The following DISC1 variants were observed in gnomAD, a reference collection of about 807,000 sequenced individuals.
DISC1 encodes the protein disrupted in schizophrenia 1 protein.
In DISC1, 57 loss-of-function variants were observed where a neutral mutation model predicts 84.5. That is an observed-to-expected ratio of 0.67 (90% CI 0.55 to 0.84). The LOEUF (loss-of-function observed/expected upper bound fraction) is 0.84, where lower values mean the gene tolerates loss of function less well. Ranked by LOEUF, DISC1 falls within the 40% of genes least tolerant of loss-of-function variation. The pLI is 0.00. For synonymous variants in DISC1, 411 were observed against 415.2 expected (o/e 0.99, Z 0.12); for missense variants, 1,000 against 1,057.8 (o/e 0.95, Z 0.76).
intron 9 of DISC1, among the ~76,000 whole-genome samples, chr1:231,928,621 C>T (rs1162271071): frequency 6.6e-6 from 1 of 152,100 alleles, no homozygotes. Context: ...TTTGCTCTTG[C>T]TTCTCTAGTC....
intron 1 of DISC1, among the ~76,000 whole-genome samples, chr1:231,636,210 C>T (rs1038240960): frequency 6.6e-6 from 1 of 152,230 alleles, no homozygotes; most frequent in Non-Finnish European, 1.5e-5. Flanking sequence ...ATTTGTAGAA[C>T]ACTGAGTTAA....
chr1:231,644,577 C>T (rs200498452), intron 1 of DISC1, among the ~76,000 whole-genome samples: 1 of 152,128 alleles, frequency 6.6e-6, no homozygotes, highest in Admixed American at 6.6e-5. Flanking sequence ...CAGGTAACCC[C>T]CTTATTGGGG....
intron 9 of DISC1, among the ~76,000 whole-genome samples, chr1:231,835,137 C>G (rs1220038915): frequency 6.6e-6 from 1 of 152,082 alleles, no homozygotes; most frequent in Non-Finnish European, 1.5e-5. Flanking sequence ...TTCTGAGGAC[C>G]AGAGGTCATA....
intron 9 of DISC1, among the ~76,000 whole-genome samples, chr1:231,837,496 A>C (rs1558632553): frequency 6.6e-6 from 1 of 152,194 alleles, no homozygotes; most frequent in Non-Finnish European, 1.5e-5. Context: ...ATATGAAGTC[A>C]CCCTCTTCCA....
intron 1 of DISC1, among the ~76,000 whole-genome samples, chr1:231,657,983 GAATTTTAA>G (rs1330294839): frequency 3.9e-5 from 6 of 152,270 alleles, no homozygotes; most frequent in Middle Eastern, 3.4e-3. Flanking sequence ...GGTTCCACAT[GAATTTTAA>G]AATAGTTTTT....
Position 231,626,926 on chromosome 1 carries a change from A to G in DISC1, c.59A>G (p.His20Arg), listed in dbSNP as rs1228474361. 8 of 1,503,170 alleles carry G rather than the reference A, an allele frequency of 5.3e-6. No homozygotes were observed. The Admixed American group carries it at 1.1e-4, about 20-fold the overall frequency. 93.1% of individuals were successfully genotyped at this position (1,503,170 alleles called of 1,614,324 possible). A position where few individuals can be genotyped will look rare whatever the true frequency, so the allele number is the denominator to read the frequency against. ...PAAAGGGGVS[H>R]RAGSRDCLPP... ...GCCGCCGGCGGCGGCGGCGTGAGCC[A>G]CCGCGCAGGTAGGGGAGCTGCCACA... Residue 20 changes from histidine (H) to arginine (R), a missense_variant, in exon 1 of 13, where the codon CAC becomes CGC. His to Arg is a conservative substitution (Grantham distance 29). Around this residue, in one of 3 missense-constraint regions of DISC1, gnomAD observed 292 missense variants for 280.2 expected, o/e 1.04. Coordinates refer to ENST00000439617, the MANE Select transcript of DISC1 (RefSeq NM_018662.3).
chr1:231,922,358 A>G (rs1484804590), intron 9 of DISC1, among the ~76,000 whole-genome samples: 1 of 152,212 alleles, frequency 6.6e-6, no homozygotes, highest in Non-Finnish European at 1.5e-5. Context: ...ACTGTGTTCC[A>G]GGTACTAGTC....
chr1:231,744,285 C>G (rs1035156063), intron 3 of DISC1, among the ~76,000 whole-genome samples: 1 of 152,124 alleles, frequency 6.6e-6, no homozygotes, highest in African/African-American at 2.4e-5. Flanking sequence ...CACCCACTGC[C>G]CCAGGGTGAA....
intron 4 of DISC1, among the ~76,000 whole-genome samples, chr1:231,761,125 A>T (rs916372590): frequency 5.9e-5 from 9 of 152,126 alleles, no homozygotes; most frequent in African/African-American, 2.2e-4. Flanking sequence ...TTTTTCCCGT[A>T]CTGGGGTGGT....
intron 3 of DISC1, among the ~76,000 whole-genome samples, chr1:231,736,688 A>G (rs899294161): frequency 2.0e-5 from 3 of 152,234 alleles, no homozygotes; most frequent in Admixed American, 1.3e-4. Context: ...TCATCCACAC[A>G]TCTTGTGTAT....
intron 9 of DISC1, among the ~76,000 whole-genome samples, chr1:231,883,472 G>A (rs2086443319): frequency 1.3e-5 from 2 of 152,192 alleles, no homozygotes; most frequent in Non-Finnish European, 2.9e-5. Flanking sequence ...GGGTGGCCAT[G>A]TGGGGCAGGT....
intron 1 of DISC1, among the ~76,000 whole-genome samples, chr1:231,673,376 T>C (rs1043008890): frequency 2.5e-4 from 38 of 152,024 alleles, no homozygotes; most frequent in African/African-American, 8.2e-4. Context: ...GTGCAGTGGC[T>C]ATTCATAGGT....
rs1156618634 is a variant in DISC1 at position 231,954,501 on chromosome 1, C to T, written c.1982-4327C>T. Among the ~76,000 whole-genome samples, 1 of 152,118 alleles carries T rather than the reference C, an allele frequency of 6.6e-6. No individual in the cohort carries two copies. The highest frequency in any genetic ancestry group is 1.5e-5 in the Non-Finnish European group (1 of 68,048). On this transcript the variant is annotated intron_variant, in intron 9 of 12. Coordinates refer to ENST00000439617, the MANE Select transcript of DISC1 (RefSeq NM_018662.3). The surrounding 1 kb of genome is among the most constrained non-coding windows in gnomAD (Gnocchi z 4.8). ...ATCAGATTCCCTTAATAAACAGAAA[C>T]AGTGAATGTGTTCCTGCTTCTTCCT...
chr1:231,990,529 T>C (rs886960458), intron 10 of DISC1, among the ~76,000 whole-genome samples: 6 of 152,152 alleles, frequency 3.9e-5, no homozygotes, highest in Admixed American at 2.0e-4. Flanking sequence ...TGTTGTCAAA[T>C]TCCTCACTGC....
intron 9 of DISC1, among the ~76,000 whole-genome samples, chr1:231,882,262 C>T (rs2086340749): frequency 6.6e-6 from 1 of 152,150 alleles, no homozygotes; most frequent in Admixed American, 6.5e-5. Flanking sequence ...TAAATATTCC[C>T]TGGAGCCATG....
chr1:231,858,262 G>A (rs192293747), intron 9 of DISC1, among the ~76,000 whole-genome samples: 127 of 152,276 alleles, frequency 8.3e-4, no homozygotes, highest in African/African-American at 2.9e-3. Context: ...CTAAGCATCC[G>A]GGCCACCTGC....
chr1:231,973,108 G>T (rs1201742517), intron 10 of DISC1, among the ~76,000 whole-genome samples: 3 of 149,448 alleles, frequency 2.0e-5, no homozygotes, highest in Non-Finnish European at 4.4e-5. Flanking sequence ...GTGCAGTGGT[G>T]TAATCTCAGC....
chr1:231,693,514 T>A (rs1360866056), intron 1 of DISC1, among the ~76,000 whole-genome samples: 2 of 152,118 alleles, frequency 1.3e-5, no homozygotes, highest in East Asian at 3.9e-4. Context: ...ACAGGCAAGA[T>A]GTTGGAGGGT....
At chr1:231,754,783 T>C (rs2074957770) in intron 4 of DISC1, among the ~76,000 whole-genome samples, 1 of 152,260 alleles carries the variant, frequency 6.6e-6, no homozygotes, top group Admixed American at 6.5e-5. Flanking sequence ...TCAAACATTT[T>C]ATGGGGTTTG....
Sources: allele counts gnomAD v4.1 joint callset (sites outside exome capture counted in the v4.1 genomes callset), GRCh38; gene constraint gnomAD v4.1.1; regional missense constraint gnomAD v4.1.1; non-coding constraint Gnocchi (gnomAD v3.1); transcripts MANE v1.5; gene names NCBI Gene and HGNC (gene_info 2026-07-23, HGNC 2026-07-21).